The following CTDP1 variants were observed in gnomAD, a reference collection of about 807,000 sequenced individuals.
CTDP1 encodes RNA polymerase II subunit A C-terminal domain phosphatase.
Under a neutral mutation model 91.8 loss-of-function variants are expected in CTDP1, and 47 were observed. The ratio of observed to expected loss-of-function variants is 0.51; its 90% confidence interval spans 0.41 to 0.65. The LOEUF (loss-of-function observed/expected upper bound fraction) is 0.65, where lower values mean the gene tolerates loss of function less well. Among genes scored for constraint, CTDP1 ranks in the 30% least tolerant of loss-of-function variants. The probability of loss-of-function intolerance (pLI) is 0.00; values close to 1 mark genes in which losing one functional copy is unlikely to be tolerated. For missense variants in CTDP1, 1,272 were observed against 1,373.7 expected, an observed-to-expected ratio of 0.93 and a Z score of 1.17; for synonymous variants, 656 against 598.5, an observed-to-expected ratio of 1.10 and a Z score of -1.40.
rs375108513 is a variant in CTDP1, at chr18:79,715,317, G to A, written c.1857G>A (p.Ala619=). 2.3e-5 allele frequency: 37 copies of A among 1,609,330 alleles called. No homozygotes were observed. In the African/African-American group the frequency reaches 2.5e-4, roughly 11 times the overall value. The stretch of plus-strand genomic sequence containing the variant: ...ACCTCAACAAGGAGATCGAGGAGGC[G>A]CCGGACATCCGCAAGATCGTGCCGG... ...DRYLNKEIEE[A]PDIRKIVPEL... is the part of the protein sequence containing the mutation. Residue 619 remains alanine, a synonymous_variant, in exon 8 of 13, where the codon GCG becomes GCA. Coordinates refer to ENST00000613122, the MANE Select transcript of CTDP1 (RefSeq NM_004715.5).
At chr18:79,707,516 G>T (rs1420024458) in intron 5 of CTDP1, among the ~76,000 whole-genome samples, 2 of 152,244 alleles carry the variant, frequency 1.3e-5, no homozygotes, top group African/African-American at 4.8e-5. Flanking sequence ...GCCGTCTGGT[G>T]CCTTCTCCGT....
At chr18:79,682,840 A>G (rs1294815854) in intron 1 of CTDP1, among the ~76,000 whole-genome samples, 2 of 152,336 alleles carry the variant, frequency 1.3e-5, no homozygotes, top group Admixed American at 6.5e-5. Flanking sequence ...GTGATGAAGT[A>G]GAGAATATTG....
chr18:79,720,285 G>A (rs1225147953), intron 10 of CTDP1, among the ~76,000 whole-genome samples: 1 of 95,072 alleles, frequency 1.1e-5, no homozygotes, highest in Non-Finnish European at 2.2e-5. Flanking sequence ...GCATCCTGGT[G>A]ATGATGTCAC....
intron 12 of CTDP1, chr18:79,749,899 AT>A (rs2122893073): frequency 6.6e-6 from 1 of 152,414 alleles, no homozygotes; most frequent in East Asian, 1.9e-4. Flanking sequence ...GAATTTGTTA[AT>A]TGCCAAAAGC....
chr18:79,711,079 G>A (rs1301947362), intron 6 of CTDP1, among the ~76,000 whole-genome samples: 1 of 152,104 alleles, frequency 6.6e-6, no homozygotes, highest in East Asian at 1.9e-4. Flanking sequence ...CTGTGGAGGC[G>A]GGGACTGTCA....
intron 4 of CTDP1, among the ~76,000 whole-genome samples, chr18:79,704,514 G>A (rs986457163): frequency 7.2e-5 from 11 of 151,752 alleles, no homozygotes; most frequent in South Asian, 2.1e-4. Context: ...CCTCTGTCCC[G>A]TGTGGAGGGG....
chr18:79,746,528 G>A (rs527639276), intron 12 of CTDP1, among the ~76,000 whole-genome samples: 2 of 152,376 alleles, frequency 1.3e-5, no homozygotes, highest in African/African-American at 4.8e-5. Flanking sequence ...TGTTTTCATA[G>A]CTACACAAAC....
In CTDP1 at chr18:79,697,908, C is replaced by T. The variant is rs2085780485; in HGVS notation, c.541C>T (p.Arg181Trp). The T allele has an allele frequency of 6.2e-7, 1 of 1,614,226 alleles. No homozygotes were observed. Among genetic ancestry groups the T allele is most frequent in the South Asian group, 1.1e-5 (1 of 91,082 alleles). Residue 181 changes from arginine (R) to tryptophan (W), a missense_variant, in exon 4 of 13, where the codon CGG (arginine) becomes TGG (tryptophan). By Grantham distance (101) the Arg-to-Trp change is moderately radical. Around this residue, in one of 3 missense-constraint regions of CTDP1, gnomAD observed 177 missense variants for 283.0 expected, o/e 0.63. Transcript: ENST00000613122. ...REDQQRLHRN[R>W]KLVLMVDLDQ... Reference sequence around the variant, plus strand: ...AGACCAGCAGCGACTGCACCGAAACCGGAAGCTGGTGCTCATGGTGGACTT... The same window carrying T: ...AGACCAGCAGCGACTGCACCGAAACTGGAAGCTGGTGCTCATGGTGGACTT...
At chr18:79,738,709 T>C (rs1275502431) in intron 12 of CTDP1, among the ~76,000 whole-genome samples, 2 of 152,252 alleles carry the variant, frequency 1.3e-5, no homozygotes, top group Non-Finnish European at 1.5e-5. Context: ...CAAGACAAGA[T>C]AGTCATTGTT....
chr18:79,709,597 T>C (rs753702494), intron 5 of CTDP1, among the ~76,000 whole-genome samples: 17 of 152,234 alleles, frequency 1.1e-4, no homozygotes, highest in Non-Finnish European at 2.1e-4. Flanking sequence ...GGATGTCATG[T>C]GAAGTGCAAG....
upstream of CTDP1, among the ~76,000 whole-genome samples, chr18:79,676,993 A>G (rs907317580): frequency 6.6e-6 from 1 of 152,258 alleles, no homozygotes; most frequent in Non-Finnish European, 1.5e-5. Context: ...GGATGTCTAC[A>G]TCTGTCTACC....
chr18:79,744,469 G>A (rs2086839481), intron 12 of CTDP1, among the ~76,000 whole-genome samples: 1 of 152,376 alleles, frequency 6.6e-6, no homozygotes, highest in East Asian at 1.9e-4. Flanking sequence ...ACAAAGCAGA[G>A]TGGCGGTGTG....
intron 11 of CTDP1, 35 bp downstream of exon 11, chr18:79,729,104 C>T (rs747024367): frequency 2.5e-5 from 41 of 1,611,244 alleles, no homozygotes; most frequent in African/African-American, 4.0e-5. Flanking sequence ...CCCGCGCCAG[C>T]GCTCGTGCTG....
At chr18:79,753,551 G>A (rs1026253647) in intron 12 of CTDP1, 101 bp from the exon 13 acceptor site, 18 of 1,575,016 alleles carry the variant, frequency 1.1e-5, no homozygotes, top group South Asian at 5.7e-5. Flanking sequence ...GTGCCGTCTT[G>A]TGTTAAAACC....
intron 11 of CTDP1, among the ~76,000 whole-genome samples, chr18:79,730,540 TTC>T (rs1285838240): frequency 6.6e-6 from 1 of 152,142 alleles, no homozygotes; most frequent in Non-Finnish European, 1.5e-5. Context: ...ACCTAATCCT[TTC>T]TCTCAGAAAT....
At position 79,728,555 on chromosome 18, in the gene CTDP1, G is replaced by C. The variant is rs1276754397; in HGVS notation, c.2418-352G>C. Among the ~76,000 whole-genome samples the C allele has an allele frequency of 5.3e-5, 8 of 152,094 alleles. 1 individual carries two copies. The highest frequency in any genetic ancestry group is 4.6e-4 in the Admixed American group (7 of 15,270). ...TTTTGAGGGTGAATGACATGTCCTG[G>C]GGGTTCCCAGAACACGCTTCATCTC... On this transcript the variant is annotated intron_variant, in intron 10 of 12. Transcript: ENST00000613122.
At chr18:79,711,985 G>A (rs902381767) in intron 6 of CTDP1, among the ~76,000 whole-genome samples, 3 of 9,818 alleles carry the variant, frequency 3.1e-4, no homozygotes, top group Non-Finnish European at 5.9e-4. Flanking sequence ...CCTGGTTCTC[G>A]GTGGCCAGTC....
intron 12 of CTDP1, among the ~76,000 whole-genome samples, chr18:79,737,149 G>A (rs529815478): frequency 5.7e-4 from 87 of 152,316 alleles, no homozygotes; most frequent in African/African-American, 1.8e-3. Context: ...GCCTGTTTTC[G>A]GGCGTTTGGC....
chr18:79,689,973 G>T (rs1333357793), intron 1 of CTDP1, among the ~76,000 whole-genome samples: 3 of 152,148 alleles, frequency 2.0e-5, no homozygotes, highest in Admixed American at 2.0e-4. Flanking sequence ...ATTCTAGGCT[G>T]CTGCTCTCCT....
Sources: gnomAD v4.1 joint callset for allele counts (sites outside exome capture counted in the v4.1 genomes callset) on GRCh38, gnomAD v4.1.1 for gene constraint, gnomAD v4.1.1 regional missense constraint, MANE v1.5 for transcripts, NCBI Gene and HGNC (gene_info 2026-07-23, HGNC 2026-07-21) for gene names.